The following TRAF3IP1 variants were observed in gnomAD, a reference collection of about 807,000 sequenced individuals.
The protein encoded by TRAF3IP1 is intraflagellar transport 54.
Under a neutral mutation model 89.9 loss-of-function variants are expected in TRAF3IP1, and 53 were observed. That is an observed-to-expected ratio of 0.59 (90% CI 0.47 to 0.74). TRAF3IP1 has a LOEUF of 0.74. Among genes scored for constraint, TRAF3IP1 ranks in the 30% least tolerant of loss-of-function variants. The pLI, the probability that TRAF3IP1 is intolerant of heterozygous loss-of-function variation, is 0.00. For missense variants in TRAF3IP1, 806 were observed against 866.1 expected (o/e 0.93, Z 0.87); for synonymous variants, 311 against 322.1 (o/e 0.97, Z 0.37).
intron 15 of TRAF3IP1, among the ~76,000 whole-genome samples, chr2:238,356,909 G>T (rs1232202812): frequency 1.3e-5 from 2 of 151,794 alleles, no homozygotes; most frequent in Non-Finnish European, 2.9e-5. Flanking sequence ...CTCCCGTGTA[G>T]CTGGGACTAC....
In TRAF3IP1 at chr2:238,379,829, A is replaced by T. The variant is rs1323736321; in HGVS notation, c.1690-17630A>T. ...AAGGAAATACTGTAGCAATAGGCTCAATAGAAAATGATTAATATTTTAGTA... is the reference window on the plus strand; with the variant it reads ...AAGGAAATACTGTAGCAATAGGCTCTATAGAAAATGATTAATATTTTAGTA... On this transcript the variant is annotated intron_variant, in intron 15 of 16. Transcript: ENST00000373327. The surrounding 1 kb of genome is among the most constrained non-coding windows in gnomAD (Gnocchi z 4.0). 6.6e-6 allele frequency among the ~76,000 whole-genome samples: 1 copy of T among 152,244 alleles called. No homozygotes were observed. The highest frequency in any genetic ancestry group is 1.5e-5 in the Non-Finnish European group (1 of 68,042).
Position 238,389,093 on chromosome 2 carries a change from A to T in TRAF3IP1, c.1690-8366A>T, listed in dbSNP as rs532656166. On this transcript the variant is annotated intron_variant, in intron 15 of 16. Coordinates refer to ENST00000373327, the MANE Select transcript of TRAF3IP1 (RefSeq NM_015650.4). ...ATTGGGTTTGCTTAATGTCGGGTAGAGCTCTGCTCAGGAGTGTGGCTGAGC... is the reference window on the plus strand; with the variant it reads ...ATTGGGTTTGCTTAATGTCGGGTAGTGCTCTGCTCAGGAGTGTGGCTGAGC... Among the ~76,000 whole-genome samples, 3 of 152,238 alleles carry T rather than the reference A, an allele frequency of 2.0e-5. No homozygotes were observed. The South Asian group carries it at 6.2e-4, about 32-fold the overall frequency.
At chr2:238,384,663 G>A (rs1289024605) in intron 15 of TRAF3IP1, among the ~76,000 whole-genome samples, 2 of 151,412 alleles carry the variant, frequency 1.3e-5, no homozygotes, top group Non-Finnish European at 1.5e-5. Context: ...GATTACAGGC[G>A]TGAGCCACCA....
chr2:238,338,651 T>TTA (rs1236074625), intron 8 of TRAF3IP1, among the ~76,000 whole-genome samples, 194 bp downstream of exon 8: 1 of 152,272 alleles, frequency 6.6e-6, no homozygotes, highest in African/African-American at 2.4e-5. Flanking sequence ...GTAACTTTAT[T>TTA]AACTCAGCTT....
intron 5 of TRAF3IP1, among the ~76,000 whole-genome samples, chr2:238,330,963 A>G (rs1042544673): frequency 1.3e-5 from 2 of 152,142 alleles, no homozygotes; most frequent in African/African-American, 2.4e-5. Context: ...TTAGAGGTGT[A>G]AGAAAAAATA....
intron 6 of TRAF3IP1, 23 bp from the exon 7 acceptor site, chr2:238,333,934 TTTC>T: frequency 1.3e-6 from 2 of 1,572,664 alleles, no homozygotes; most frequent in Non-Finnish European, 1.7e-6. Flanking sequence ...CATCAATTAA[TTTC>T]TTTTCATTCT....
At chr2:238,340,809 A>ATGTG (rs1355604314) in intron 8 of TRAF3IP1, among the ~76,000 whole-genome samples, 1 of 120,092 alleles carries the variant, frequency 8.3e-6, no homozygotes, top group African/African-American at 3.1e-5. Context: ...ATGTACAGTT[A>ATGTG]TGCGTGTGTG....
chr2:238,376,552 T>C (rs1045748347), intron 15 of TRAF3IP1, among the ~76,000 whole-genome samples: 2 of 152,238 alleles, frequency 1.3e-5, no homozygotes, highest in Non-Finnish European at 2.9e-5. Context: ...TCTTGGGATT[T>C]CAGTTGGAGT....
At position 238,329,094 on chromosome 2, in the gene TRAF3IP1, C is replaced by G. The variant is rs752223651; in HGVS notation, c.667C>G (p.Arg223Gly). 6.4e-7 allele frequency: 1 copy of G among 1,550,796 alleles called. No homozygotes were observed. Among genetic ancestry groups the G allele is most frequent in the Non-Finnish European group, 8.7e-7 (1 of 1,146,868 alleles). ...REGERERAKA[R>G]ARPDNERQKD... ...AGGGGAGAGAGAGAGAGCCAAAGCC[C>G]GGGCCAGGCCAGACAACGAGCGACA... The change falls in exon 5 of 17, where the codon CGG becomes GGG. Residue 223 changes from arginine to glycine, a missense_variant. Arg to Gly is a moderately radical substitution (Grantham distance 125). This residue lies in a region of TRAF3IP1 where 732 missense variants were observed against 780.5 expected (regional missense o/e 0.94). Transcript: ENST00000373327.
chr2:238,384,101 G>C (rs1007480950), intron 15 of TRAF3IP1, among the ~76,000 whole-genome samples: 4 of 152,198 alleles, frequency 2.6e-5, no homozygotes, highest in African/African-American at 9.6e-5. Context: ...CCTTGGCTCA[G>C]TGGCACCCTC....
At position 238,400,027 on chromosome 2, in the gene TRAF3IP1, T is replaced by C. The variant is rs1424163504; in HGVS notation, c.*1108T>C. 1.3e-5 allele frequency: 2 copies of C among 152,042 alleles called. No homozygotes were observed. Among genetic ancestry groups the C allele is most frequent in the African/African-American group, 2.4e-5 (1 of 41,380 alleles). The allele number at this position is 152,042 out of a possible 1,614,324, so 9.4% of individuals were successfully genotyped here. A position where few individuals can be genotyped will look rare whatever the true frequency, so the allele number is the denominator to read the frequency against. On this transcript the variant is annotated 3_prime_UTR_variant, in exon 17 of 17. Transcript: ENST00000373327. The stretch of plus-strand genomic sequence containing the variant: ...TCTGGGTCCTAATACTTTTAAATAG[T>C]GTATTTATTATGTAAACTGAGGAGT...
intron 15 of TRAF3IP1, among the ~76,000 whole-genome samples, chr2:238,358,781 T>A (rs1329825414): frequency 6.6e-6 from 1 of 152,242 alleles, no homozygotes; most frequent in Admixed American, 6.5e-5. Context: ...TGAAGCCTTA[T>A]AGTCCATTAT....
At chr2:238,325,107 C>A (rs1697755636) in intron 1 of TRAF3IP1, among the ~76,000 whole-genome samples, 199 bp from the exon 2 acceptor site, 2 of 152,198 alleles carry the variant, frequency 1.3e-5, no homozygotes, top group Non-Finnish European at 2.9e-5. Flanking sequence ...TCCACACAGC[C>A]AGACTAAGTT....
At position 238,397,452 on chromosome 2, in the gene TRAF3IP1, A is replaced by C. The variant is rs773667311; in HGVS notation, c.1690-7A>C. 6.2e-7 allele frequency: 1 copy of C among 1,612,220 alleles called. No homozygotes were observed. The highest frequency in any genetic ancestry group is 8.5e-7 in the Non-Finnish European group (1 of 1,179,498). On this transcript the variant is annotated splice_polypyrimidine_tract_variant and splice_region_variant and intron_variant, in intron 15 of 16. Transcript: ENST00000373327. ...GTGTTCCTCTTCCTATGTCTCCCTG[A>C]CTGTAGGAGCGATCTCTCTTTGAGT...
rs1261444565 is a variant in TRAF3IP1, at chr2:238,351,324, C to CTGAT, written c.1452-1502_1452-1499dup. On this transcript the variant is annotated intron_variant, in intron 12 of 16. Transcript: ENST00000373327. This position sits in a 1 kb window ranked among gnomAD's most constrained non-coding sequence, Gnocchi z 5.2. Reference sequence around the variant, plus strand: ...ACTGGGTGGGACCATGGGTTGGCAGCTGATGGCAGCAATGATGGGGTCGAG... The same window carrying CTGAT: ...ACTGGGTGGGACCATGGGTTGGCAGCTGATTGATGGCAGCAATGATGGGGTCGAG... Among the ~76,000 whole-genome samples the CTGAT allele has an allele frequency of 4.6e-5, 7 of 151,442 alleles. No homozygotes were observed. The highest frequency in any genetic ancestry group is 2.6e-4 in the Admixed American group (4 of 15,230).
chr2:238,348,717 A>C (rs1192904175), intron 10 of TRAF3IP1, 47 bp from the exon 11 acceptor site: 2 of 1,476,330 alleles, frequency 1.4e-6, no homozygotes, highest in Non-Finnish European at 1.9e-6. Flanking sequence ...ATAGTTATCT[A>C]TGTGTGTTTT....
At chr2:238,346,540 G>A (rs1033711770) in intron 9 of TRAF3IP1, among the ~76,000 whole-genome samples, 2 of 152,294 alleles carry the variant, frequency 1.3e-5, no homozygotes, top group South Asian at 2.1e-4. Flanking sequence ...TTATGAGCTC[G>A]TGGCTGTTAT....
chr2:238,369,226 A>G (rs1207169354), intron 15 of TRAF3IP1, among the ~76,000 whole-genome samples: 1 of 148,256 alleles, frequency 6.7e-6, no homozygotes, highest in Non-Finnish European at 1.5e-5. Flanking sequence ...TAAAGTAAAT[A>G]TATATTTTTA....
chr2:238,383,904 G>A (rs1239256101), intron 15 of TRAF3IP1, among the ~76,000 whole-genome samples: 1 of 152,188 alleles, frequency 6.6e-6, no homozygotes, highest in East Asian at 1.9e-4. Context: ...TTGATATAGG[G>A]AGGCTTAAGT....
Sources: gnomAD v4.1 joint callset for allele counts (sites outside exome capture counted in the v4.1 genomes callset) on GRCh38, gnomAD v4.1.1 for gene constraint, gnomAD v4.1.1 regional missense constraint, Gnocchi (gnomAD v3.1) non-coding constraint, MANE v1.5 for transcripts, NCBI Gene and HGNC (gene_info 2026-07-23, HGNC 2026-07-21) for gene names.